The following LAMA1 variants were observed in gnomAD, a reference collection of about 807,000 sequenced individuals.
LAMA1 encodes laminin subunit alpha-1.
A neutral mutation model predicts 348.7 loss-of-function variants in LAMA1; 219 were observed. The ratio of observed to expected loss-of-function variants is 0.63; its 90% confidence interval spans 0.56 to 0.70. The LOEUF (loss-of-function observed/expected upper bound fraction) is 0.70. Among genes scored for constraint, LAMA1 ranks in the 30% least tolerant of loss-of-function variants. The pLI is 0.00. For missense variants in LAMA1, 3,744 were observed against 3,888.0 expected (o/e 0.96, Z 0.99); for synonymous variants, 1,487 against 1,491.0 (o/e 1.00, Z 0.06).
chr18:7,065,334 T>C (rs1202947822), intron 3 of LAMA1, among the ~76,000 whole-genome samples: 4 of 152,078 alleles, frequency 2.6e-5, no homozygotes, highest in Non-Finnish European at 1.5e-5. Flanking sequence ...ATTCAATTTT[T>C]CTGTAAACCT....
chr18:6,959,531 A>G, intron 53 of LAMA1, 39 bp from the exon 54 acceptor site: 1 of 1,610,294 alleles, frequency 6.2e-7, no homozygotes, highest in Middle Eastern at 1.7e-4. Context: ...GACAAAACAC[A>G]TTACTATATG....
At chr18:7,078,064 C>CAAAAAAA (rs1293065808) in intron 3 of LAMA1, among the ~76,000 whole-genome samples, 2 of 54,814 alleles carry the variant, frequency 3.6e-5, no homozygotes, top group African/African-American at 5.7e-5. Flanking sequence ...AACTCCGTCT[C>CAAAAAAA]AAAAAAAAAA....
At chr18:6,959,318 A>G (rs1568007858) in intron 54 of LAMA1, 23 bp downstream of exon 54, 1 of 1,613,874 alleles carries the variant, frequency 6.2e-7, no homozygotes, top group Admixed American at 1.7e-5. Context: ...TTCATTACAC[A>G]CTGCCTGGCC....
At chr18:7,109,732 G>A (rs1033864590) in intron 1 of LAMA1, among the ~76,000 whole-genome samples, 3 of 152,150 alleles carry the variant, frequency 2.0e-5, no homozygotes, top group East Asian at 1.9e-4. Flanking sequence ...GGAGAAGGGC[G>A]GGGTGACTGA....
At chr18:7,032,814 A>C (rs946035435) in intron 15 of LAMA1, among the ~76,000 whole-genome samples, 170 bp downstream of exon 15, 1 of 152,178 alleles carries the variant, frequency 6.6e-6, no homozygotes, top group Non-Finnish European at 1.5e-5. Context: ...GAGGAATCTG[A>C]TTTTTTTAAA....
At chr18:7,039,910 T>C (rs953201534) in intron 10 of LAMA1, among the ~76,000 whole-genome samples, 166 bp downstream of exon 10, 1 of 152,122 alleles carries the variant, frequency 6.6e-6, no homozygotes, top group Non-Finnish European at 1.5e-5. Context: ...AGTCCAAGCA[T>C]ATATAATACA....
chr18:7,025,316 C>A (rs79779623), intron 17 of LAMA1, among the ~76,000 whole-genome samples: 6 of 152,140 alleles, frequency 3.9e-5, no homozygotes, highest in Non-Finnish European at 8.8e-5. Context: ...CTGCCTAGAA[C>A]GCCCGTCTAT....
Position 7,044,749 on chromosome 18 carries a change from T to C in LAMA1, c.949A>G (p.Thr317Ala). 1 of 1,614,136 alleles carries C rather than the reference T, an allele frequency of 6.2e-7. No individual in the cohort carries two copies. Among genetic ancestry groups the C allele is most frequent in the African/African-American group, 1.3e-5 (1 of 75,046 alleles). ...GYHQQPWRPGTVSSGNTCEAC... is the reference protein window; with the variant it reads ...GYHQQPWRPGAVSSGNTCEAC... Reference sequence around the variant, plus strand: ...TCACATGTATTGCCGGAGGACACGGTTCCCGGCCTCCAGGGCTGCTGATGG... The same window carrying C: ...TCACATGTATTGCCGGAGGACACGGCTCCCGGCCTCCAGGGCTGCTGATGG... The change falls in exon 7 of 63, where the codon ACC becomes GCC. Residue 317 changes from threonine (T) to alanine (A), a missense_variant. By Grantham distance (58) the Thr-to-Ala change is moderately conservative (BLOSUM62 0). Around this residue, in one of 3 missense-constraint regions of LAMA1, gnomAD observed 1,529 missense variants for 1,689.4 expected, o/e 0.91. Transcript: ENST00000389658.
intron 10 of LAMA1, 127 bp downstream of exon 10, chr18:7,039,949 G>C: frequency 9.5e-7 from 1 of 1,053,768 alleles, no homozygotes; most frequent in Non-Finnish European, 1.4e-6. Flanking sequence ...GGAGAGAAGG[G>C]GCAAGGGGAG....
Position 7,007,236 on chromosome 18 carries a change from C to T in LAMA1, c.4163G>A (p.Gly1388Glu), listed in dbSNP as rs774814277. 1 of 1,614,100 alleles carries T rather than the reference C, an allele frequency of 6.2e-7. No individual in the cohort carries two copies. Among genetic ancestry groups the T allele is most frequent in the Non-Finnish European group, 8.5e-7 (1 of 1,180,030 alleles). ...CAGAGGGCGTGGTCCCCTGTCACTC[C>T]CTGCTGGGAGCTTCCCTCTGTGGTA... The part of the protein sequence containing the change: ...PGYHRGKLPA[G>E]SDRGPRPLVA... The change falls in exon 29 of 63, where the codon GGG becomes GAG. Residue 1388 changes from glycine to glutamate, a missense_variant. Gly to Glu is a moderately conservative substitution (Grantham distance 98). Coordinates refer to ENST00000389658, the MANE Select transcript of LAMA1 (RefSeq NM_005559.4).
chr18:6,946,491 G>A (rs188259249), intron 61 of LAMA1, among the ~76,000 whole-genome samples: 65 of 152,118 alleles, frequency 4.3e-4, no homozygotes, highest in East Asian at 1.4e-3. Flanking sequence ...GAGGCGAGGC[G>A]GGCGGATCAC....
At chr18:6,964,835 A>G (rs2144015548) in intron 50 of LAMA1, 32 bp from the exon 51 acceptor site, 1 of 1,613,248 alleles carries the variant, frequency 6.2e-7, no homozygotes, top group East Asian at 2.2e-5. Context: ...GAGATAAGAA[A>G]AGGAAAATCC....
chr18:6,978,539 C>T (rs1348326689), intron 42 of LAMA1, among the ~76,000 whole-genome samples, 161 bp from the exon 43 acceptor site: 1 of 151,984 alleles, frequency 6.6e-6, no homozygotes, highest in Non-Finnish European at 1.5e-5. Flanking sequence ...TTCTTTTGGG[C>T]AGTGGTCAAT....
intron 1 of LAMA1, among the ~76,000 whole-genome samples, chr18:7,082,027 A>G (rs920465158): frequency 4.7e-4 from 71 of 152,302 alleles, no homozygotes; most frequent in African/African-American, 1.6e-3. Flanking sequence ...TTTAAATTTT[A>G]AATTATCAAA....
At chr18:6,957,901 C>T (rs768380402) in intron 55 of LAMA1, among the ~76,000 whole-genome samples, 5 of 152,150 alleles carry the variant, frequency 3.3e-5, no homozygotes, top group Non-Finnish European at 7.4e-5. Context: ...CTGCCTCAGC[C>T]TCCGGAGTAG....
At chr18:7,067,663 C>T (rs967194306) in intron 3 of LAMA1, among the ~76,000 whole-genome samples, 4 of 152,048 alleles carry the variant, frequency 2.6e-5, no homozygotes, top group African/African-American at 9.7e-5. Context: ...TTGTGCATTT[C>T]ACTATATGTC....
chr18:7,026,087 G>T lies in LAMA1; in HGVS notation c.2294C>A (p.Thr765Asn), dbSNP rs1263165675. ...GVCIACAHNT[T>N]GVHCEQCLPG... ...CAAGCACTGCTCACAGTGGACGCCG[G>T]TGGTGTTGTGCGCACACGCCTAGGA... The change falls in exon 17 of 63, where the codon ACC becomes AAC. Residue 765 changes from threonine to asparagine, a missense_variant. Around this residue, in one of 3 missense-constraint regions of LAMA1, gnomAD observed 1,529 missense variants for 1,689.4 expected, o/e 0.91. Transcript: ENST00000389658. 6.2e-7 allele frequency: 1 copy of T among 1,611,260 alleles called. No individual in the cohort carries two copies. Among genetic ancestry groups the T allele is most frequent in the Non-Finnish European group, 8.5e-7 (1 of 1,178,686 alleles).
intron 19 of LAMA1, among the ~76,000 whole-genome samples, chr18:7,020,300 C>T (rs2057909638): frequency 1.3e-5 from 2 of 152,134 alleles, no homozygotes; most frequent in South Asian, 4.1e-4. Flanking sequence ...AGTTTCTCCT[C>T]CTACCAAGCT....
intron 1 of LAMA1, among the ~76,000 whole-genome samples, chr18:7,116,858 C>T (rs1326249378): frequency 6.6e-6 from 1 of 152,036 alleles, no homozygotes; most frequent in East Asian, 1.9e-4. Context: ...TCTTTCCGCC[C>T]GCCCGCAAAA....
Sources: allele counts gnomAD v4.1 joint callset (sites outside exome capture counted in the v4.1 genomes callset), GRCh38; gene constraint gnomAD v4.1.1; regional missense constraint gnomAD v4.1.1; transcripts MANE v1.5; gene names NCBI Gene and HGNC (gene_info 2026-07-23, HGNC 2026-07-21).